The following PHF20 variants were observed in gnomAD, a reference collection of about 807,000 sequenced individuals.
PHF20 encodes the protein PHD finger protein 20, also known as glioma-expressed antigen 2.
A neutral mutation model predicts 113.5 loss-of-function variants in PHF20; 23 were observed. The ratio of observed to expected loss-of-function variants is 0.20; its 90% confidence interval spans 0.15 to 0.29. The LOEUF (loss-of-function observed/expected upper bound fraction) is 0.29. Among genes scored for constraint, PHF20 ranks in the 10% least tolerant of loss-of-function variants. The probability of loss-of-function intolerance (pLI) is 1.00; values close to 1 mark genes in which losing one functional copy is unlikely to be tolerated. For synonymous variants in PHF20, 434 were observed against 457.3 expected (o/e 0.95, Z 0.65); for missense variants, 943 against 1,219.6 (o/e 0.77, Z 3.38).
intron 2 of PHF20, among the ~76,000 whole-genome samples, chr20:35,835,695 T>G (rs1339105155): frequency 6.6e-6 from 1 of 152,132 alleles, no homozygotes; most frequent in East Asian, 1.9e-4. Flanking sequence ...TTTGAGAAGC[T>G]GAGGTGGGTA....
At chr20:35,898,401 T>TGCTA (rs2055031261) in intron 9 of PHF20, among the ~76,000 whole-genome samples, 1 of 152,182 alleles carries the variant, frequency 6.6e-6, no homozygotes, top group Non-Finnish European at 1.5e-5. Context: ...AACTCATAAG[T>TGCTA]GCTAGCTTGA....
chr20:35,772,424 G>T (rs749117606), intron 1 of PHF20, among the ~76,000 whole-genome samples: 10 of 152,306 alleles, frequency 6.6e-5, no homozygotes, highest in Non-Finnish European at 1.2e-4. Flanking sequence ...TAGGGCCCGA[G>T]CCTGAGCTGT....
intron 10 of PHF20, among the ~76,000 whole-genome samples, chr20:35,904,165 C>T (rs1337446142): frequency 1.3e-5 from 2 of 151,684 alleles, no homozygotes; most frequent in African/African-American, 2.4e-5. Context: ...TTTTAGTTTA[C>T]AGGCAGTGTG....
intron 9 of PHF20, among the ~76,000 whole-genome samples, chr20:35,897,616 G>A (rs1173758147): frequency 1.5e-5 from 2 of 135,020 alleles, no homozygotes; most frequent in African/African-American, 5.7e-5. Flanking sequence ...GCCCAGGCTC[G>A]AGTGCAGAGG....
intron 2 of PHF20, among the ~76,000 whole-genome samples, chr20:35,842,237 C>T (rs1018271031): frequency 2.0e-5 from 3 of 152,012 alleles, no homozygotes; most frequent in South Asian, 2.1e-4. Context: ...CCCCGCTACT[C>T]GGGAGGCTGA....
At chr20:35,907,039 C>T (rs961296367) in intron 10 of PHF20, among the ~76,000 whole-genome samples, 2 of 152,224 alleles carry the variant, frequency 1.3e-5, no homozygotes, top group Non-Finnish European at 2.9e-5. Flanking sequence ...ATATCTGCTT[C>T]TGTCTGCCCT....
chr20:35,772,436 T>G (rs1385696100), intron 1 of PHF20, among the ~76,000 whole-genome samples: 1 of 152,158 alleles, frequency 6.6e-6, no homozygotes, highest in African/African-American at 2.4e-5. Context: ...CTGAGCTGTG[T>G]GGGCACCTAG....
chr20:35,886,187 G>A (rs576075462), intron 9 of PHF20, among the ~76,000 whole-genome samples: 35 of 148,448 alleles, frequency 2.4e-4, no homozygotes, highest in African/African-American at 8.5e-4. Context: ...TGCCCAGGCT[G>A]GAGTGCACTG....
chr20:35,814,867 C>T (rs1329298308), intron 2 of PHF20, among the ~76,000 whole-genome samples: 2 of 127,846 alleles, frequency 1.6e-5, no homozygotes, highest in Admixed American at 8.2e-5. Flanking sequence ...AGCGAGACTC[C>T]GTCTCAAAAA....
At chr20:35,927,462 CAA>C (rs1035289605) in intron 13 of PHF20, among the ~76,000 whole-genome samples, 8 of 152,170 alleles carry the variant, frequency 5.3e-5, no homozygotes, top group African/African-American at 1.7e-4. Flanking sequence ...CTAACCTGTG[CAA>C]AGTCACACAG....
At chr20:35,859,701 C>A (rs1040673504) in intron 5 of PHF20, among the ~76,000 whole-genome samples, 16 of 151,996 alleles carry the variant, frequency 1.1e-4, no homozygotes, top group African/African-American at 3.9e-4. Context: ...CGTGCCACCA[C>A]GCCCGGCTCA....
At chr20:35,845,460 G>A in intron 3 of PHF20, 1 of 331,952 alleles carries the variant, frequency 3.0e-6, no homozygotes, top group Non-Finnish European at 6.4e-6. Flanking sequence ...TGACCTCTTG[G>A]GCTCAAGCAA....
intron 13 of PHF20, among the ~76,000 whole-genome samples, chr20:35,926,724 A>G (rs2055646804): frequency 6.6e-6 from 1 of 152,100 alleles, no homozygotes; most frequent in African/African-American, 2.4e-5. Flanking sequence ...TAGAGGCCTT[A>G]TATCTGCTCA....
Position 35,801,314 on chromosome 20 carries a change from G to C in PHF20, c.-32-177G>C, listed in dbSNP as rs569583536. Among the ~76,000 whole-genome samples, 697 of 152,320 alleles carry C rather than the reference G, an allele frequency of 4.6e-3. 5 individuals are homozygous for C. Among genetic ancestry groups the C allele is most frequent in the Non-Finnish European group, 7.1e-3 (480 of 68,034 alleles). On this transcript the variant is annotated intron_variant, in intron 1 of 17. Transcript: ENST00000374012. ...TTAGTTCCAGAAACCACAGGAAGCT[G>C]CACGATGGAGGAATAGGAACCAGTG...
intron 1 of PHF20, among the ~76,000 whole-genome samples, chr20:35,798,865 G>A (rs745395376): frequency 2.6e-5 from 4 of 151,838 alleles, no homozygotes; most frequent in Admixed American, 6.6e-5. Context: ...GGGCTCAAGC[G>A]ATCCTCCTGC....
intron 4 of PHF20, chr20:35,853,121 C>G (rs1455580956): frequency 6.7e-6 from 1 of 148,408 alleles, no homozygotes; most frequent in Admixed American, 6.8e-5. Context: ...ACTCGGGAGG[C>G]TGAGGCAGGA....
chr20:35,946,452 GTAAA>G (rs1197036892), intron 17 of PHF20, among the ~76,000 whole-genome samples: 1 of 151,588 alleles, frequency 6.6e-6, no homozygotes, highest in Non-Finnish European at 1.5e-5. Flanking sequence ...AAATAAATAA[GTAAA>G]TAAATAAAGG....
At chr20:35,910,072 T>G (rs1048895692) in intron 10 of PHF20, among the ~76,000 whole-genome samples, 2 of 152,258 alleles carry the variant, frequency 1.3e-5, no homozygotes, top group Non-Finnish European at 2.9e-5. Flanking sequence ...ACCTGCTTTG[T>G]GGATATCTTG....
chr20:35,903,077 C>CTTTTTT (rs376888832), intron 10 of PHF20, among the ~76,000 whole-genome samples: 7 of 60,000 alleles, frequency 1.2e-4, no homozygotes, highest in African/African-American at 2.7e-4. Context: ...CCTATCCTTT[C>CTTTTTT]TTTTTTTTTT....
Sources: gnomAD v4.1 joint callset for allele counts (sites outside exome capture counted in the v4.1 genomes callset) on GRCh38, gnomAD v4.1.1 for gene constraint, MANE v1.5 for transcripts, NCBI Gene and HGNC (gene_info 2026-07-23, HGNC 2026-07-21) for gene names.